PDGFD: variants seen among roughly 807,000 people sequenced by gnomAD.
PDGFD encodes the protein platelet-derived growth factor D.
PDGFD carries 30 observed loss-of-function variants against 44.7 expected under a neutral mutation model. The observed-to-expected ratio is 0.67, with a 90% CI of 0.50 to 0.91. The LOEUF is 0.91. Ranked by LOEUF, PDGFD falls within the 40% of genes least tolerant of loss-of-function variation. PDGFD has a pLI of 0.00. For missense variants in PDGFD, 445 were observed against 457.8 expected (o/e 0.97, Z 0.25); for synonymous variants, 173 against 168.4 (o/e 1.03, Z -0.21).
chr11:104,083,725 T>C (rs1861080511), intron 1 of PDGFD, among the ~76,000 whole-genome samples: 1 of 152,174 alleles, frequency 6.6e-6, no homozygotes, highest in South Asian at 2.1e-4. Context: ...ACACTGATAG[T>C]GAAGGAAGAT....
chr11:103,913,000 AC>A (rs775708384), intron 6 of PDGFD, among the ~76,000 whole-genome samples: 3 of 152,192 alleles, frequency 2.0e-5, no homozygotes, highest in Non-Finnish European at 4.4e-5. Flanking sequence ...TTAGAGACCT[AC>A]AAAGAGACTT....
intron 1 of PDGFD, among the ~76,000 whole-genome samples, chr11:104,010,292 A>C (rs1199907789): frequency 6.6e-6 from 1 of 151,934 alleles, no homozygotes; most frequent in Non-Finnish European, 1.5e-5. Context: ...TTTTTTTGTA[A>C]TCACTTGATT....
rs1264043878 is a variant in PDGFD, at chr11:103,909,598, T to A, written c.*96A>T. ...TTGTGTTCATTGCATTGCAGGCTAG[T>A]AGTAAGTTTGGTTGCTGGTAGGAAA... is the stretch of plus-strand genomic sequence containing the variant. On this transcript the variant is annotated 3_prime_UTR_variant, in exon 7 of 7. Transcript: ENST00000393158. 1.4e-6 allele frequency: 2 copies of A among 1,467,218 alleles called. No homozygotes were observed. Among genetic ancestry groups the A allele is most frequent in the Non-Finnish European group, 1.9e-6 (2 of 1,060,432 alleles). 90.9% of individuals were successfully genotyped at this position (1,467,218 alleles called of 1,614,324 possible).
intron 3 of PDGFD, among the ~76,000 whole-genome samples, chr11:103,958,700 G>A (rs915067605): frequency 1.3e-5 from 2 of 152,070 alleles, no homozygotes; most frequent in Admixed American, 1.3e-4. Context: ...ACCATTTCAC[G>A]CCTCTGTGCT....
At chr11:104,147,529 G>T (rs1862181187) in intron 1 of PDGFD, among the ~76,000 whole-genome samples, 1 of 152,142 alleles carries the variant, frequency 6.6e-6, no homozygotes, top group Non-Finnish European at 1.5e-5. Flanking sequence ...GATTTATATT[G>T]CTGTAATATT....
chr11:104,073,145 C>T (rs943613707), intron 1 of PDGFD, among the ~76,000 whole-genome samples: 1 of 151,820 alleles, frequency 6.6e-6, no homozygotes, highest in African/African-American at 2.4e-5. Flanking sequence ...TTTTATCCTC[C>T]AAAATTAGCA....
intron 1 of PDGFD, among the ~76,000 whole-genome samples, chr11:104,001,199 A>G (rs1019355858): frequency 3.3e-5 from 5 of 152,222 alleles, no homozygotes; most frequent in African/African-American, 1.2e-4. Context: ...ATCAATCATG[A>G]CTGCATAATG....
intron 1 of PDGFD, chr11:104,037,173 G>A (rs1565317062): frequency 6.2e-7 from 1 of 1,613,618 alleles, no homozygotes; most frequent in African/African-American, 1.3e-5. Context: ...AGCAGCAGCA[G>A]CGCACACCCG....
chr11:103,957,350 G>C (rs1360724277), intron 3 of PDGFD, among the ~76,000 whole-genome samples: 1 of 152,072 alleles, frequency 6.6e-6, no homozygotes, highest in African/African-American at 2.4e-5. Flanking sequence ...TTTCTTCACA[G>C]AATTGGAAAA....
intron 1 of PDGFD, among the ~76,000 whole-genome samples, chr11:104,069,154 C>T (rs906950858): frequency 1.3e-5 from 2 of 152,114 alleles, no homozygotes; most frequent in African/African-American, 2.4e-5. Flanking sequence ...AATCTGAAAG[C>T]GTTTCTGAGT....
intron 1 of PDGFD, among the ~76,000 whole-genome samples, chr11:104,026,001 G>A (rs1241242427): frequency 6.6e-6 from 1 of 152,136 alleles, no homozygotes; most frequent in Non-Finnish European, 1.5e-5. Context: ...ACTCTGTACT[G>A]GGACAGGAAG....
intron 1 of PDGFD, among the ~76,000 whole-genome samples, chr11:104,139,412 G>C (rs1016213814): frequency 3.3e-5 from 5 of 152,120 alleles, no homozygotes; most frequent in African/African-American, 9.7e-5. Flanking sequence ...GAAAAGCTGA[G>C]CACTAACTGC....
At chr11:104,062,937 A>G (rs1395467963) in intron 1 of PDGFD, among the ~76,000 whole-genome samples, 2 of 152,162 alleles carry the variant, frequency 1.3e-5, no homozygotes, top group African/African-American at 4.8e-5. Flanking sequence ...GTGAACCTCT[A>G]TCTTCTCTGA....
intron 1 of PDGFD, among the ~76,000 whole-genome samples, chr11:104,100,147 C>CA (rs1171522186): frequency 6.6e-6 from 1 of 152,144 alleles, no homozygotes; most frequent in African/African-American, 2.4e-5. Flanking sequence ...GGAGCACTGT[C>CA]CCTTTGCCAG....
At chr11:104,092,241 T>G (rs1438144981) in intron 1 of PDGFD, among the ~76,000 whole-genome samples, 1 of 152,296 alleles carries the variant, frequency 6.6e-6, no homozygotes, top group South Asian at 2.1e-4. Context: ...TTCTGTAGCT[T>G]CTTTATATGC....
intron 6 of PDGFD, among the ~76,000 whole-genome samples, chr11:103,919,514 T>TC (rs1555033246): frequency 6.9e-6 from 1 of 144,236 alleles, no homozygotes. Context: ...TTTTTTTTTT[T>TC]TTTTTTTTTT....
intron 1 of PDGFD, among the ~76,000 whole-genome samples, chr11:104,162,343 G>A (rs534105144): frequency 6.6e-6 from 1 of 152,122 alleles, no homozygotes; most frequent in Non-Finnish European, 1.5e-5. Context: ...TAGCTAAAAG[G>A]ACATATAAAG....
intron 1 of PDGFD, among the ~76,000 whole-genome samples, chr11:104,141,287 T>A (rs923788143): frequency 2.0e-5 from 3 of 152,234 alleles, no homozygotes; most frequent in Admixed American, 1.3e-4. Flanking sequence ...TACATTCTAA[T>A]CTCTAGAACT....
chr11:104,122,123 A>T (rs1161546812), intron 1 of PDGFD, among the ~76,000 whole-genome samples: 1 of 152,014 alleles, frequency 6.6e-6, no homozygotes, highest in Non-Finnish European at 1.5e-5. Flanking sequence ...TTTTTCTAAC[A>T]AAGAGCAGCC....
Sources: gnomAD v4.1 joint callset for allele counts (sites outside exome capture counted in the v4.1 genomes callset) on GRCh38, gnomAD v4.1.1 for gene constraint, MANE v1.5 for transcripts, NCBI Gene and HGNC (gene_info 2026-07-23, HGNC 2026-07-21) for gene names.